The following SPIRE1 variants were observed in gnomAD, a reference collection of about 807,000 sequenced individuals.
The protein encoded by SPIRE1 is spire type actin nucleation factor 1.
In SPIRE1, 40 loss-of-function variants were observed where a neutral mutation model predicts 94.1. The observed-to-expected ratio is 0.43, with a 90% CI of 0.33 to 0.55. SPIRE1 has a LOEUF of 0.55. Ranked by LOEUF, SPIRE1 falls within the 20% of genes least tolerant of loss-of-function variation. SPIRE1 has a pLI of 0.06. For missense variants in SPIRE1, 838 were observed against 975.2 expected (o/e 0.86, Z 1.87); for synonymous variants, 376 against 371.7 (o/e 1.01, Z -0.13).
At chr18:12,491,893 T>C (rs879588016) in intron 8 of SPIRE1, among the ~76,000 whole-genome samples, 40 of 152,252 alleles carry the variant, frequency 2.6e-4, no homozygotes, top group Non-Finnish European at 5.0e-4. Flanking sequence ...ATTAAAAAGA[T>C]CCAGAGGAAG....
At chr18:12,605,486 C>G (rs1032329763) in intron 2 of SPIRE1, among the ~76,000 whole-genome samples, 3 of 152,232 alleles carry the variant, frequency 2.0e-5, no homozygotes, top group Admixed American at 1.3e-4. Flanking sequence ...AGCCTGGTAA[C>G]AGAGCAAGAC....
At chr18:12,535,925 A>G (rs898370234) in intron 3 of SPIRE1, among the ~76,000 whole-genome samples, 28 of 152,204 alleles carry the variant, frequency 1.8e-4, no homozygotes, top group Admixed American at 1.6e-3. Context: ...ACTGTACTCT[A>G]GCATGGGTGA....
chr18:12,528,111 G>C (rs2034578874), intron 4 of SPIRE1, among the ~76,000 whole-genome samples: 1 of 151,542 alleles, frequency 6.6e-6, no homozygotes. Flanking sequence ...ATATTTATTA[G>C]GTTAAAAAAA....
At position 12,546,674 on chromosome 18, in the gene SPIRE1, C is replaced by A; in HGVS notation, c.603G>T (p.Lys201Asn). ...SAIRSYRDVM[K>N]LCAAHLPTES... The stretch of plus-strand genomic sequence containing the variant: ...AGTACTGCATAAAACGCTGCCTTAC[C>A]TTCATGACATCTCTATATGACCGAA... Residue 201 changes from lysine (K) to asparagine (N), a missense_variant and splice_region_variant, in exon 3 of 17, where the codon AAG becomes AAT. Transcript: ENST00000409402. 6.2e-7 allele frequency: 1 copy of A among 1,608,792 alleles called. No homozygotes were observed. The highest frequency in any genetic ancestry group is 1.1e-5 in the South Asian group (1 of 90,928).
intron 1 of SPIRE1, among the ~76,000 whole-genome samples, chr18:12,651,605 C>T (rs547658158): frequency 3.3e-5 from 5 of 152,092 alleles, no homozygotes; most frequent in South Asian, 4.2e-4. Flanking sequence ...ACCCAGGAAG[C>T]GGAGGCTGCA....
chr18:12,630,940 G>T (rs761317206), intron 2 of SPIRE1, among the ~76,000 whole-genome samples: 17 of 152,202 alleles, frequency 1.1e-4, no homozygotes, highest in Non-Finnish European at 1.9e-4. Flanking sequence ...TAAGAGCCAA[G>T]AGAGGCTCTA....
At chr18:12,463,727 G>A (rs537365587) in intron 11 of SPIRE1, among the ~76,000 whole-genome samples, 1 of 152,248 alleles carries the variant, frequency 6.6e-6, no homozygotes, top group African/African-American at 2.4e-5. Flanking sequence ...GTTAGGTGTA[G>A]CCAGAAAGAT....
At chr18:12,606,737 G>A (rs201501220) in intron 2 of SPIRE1, among the ~76,000 whole-genome samples, 155 of 152,178 alleles carry the variant, frequency 1.0e-3, no homozygotes, top group East Asian at 4.1e-3. Context: ...CGCCATGTTG[G>A]CCAGGCTGCT....
chr18:12,655,285 CGAAA>C (rs1359295581), intron 1 of SPIRE1, among the ~76,000 whole-genome samples: 2 of 148,958 alleles, frequency 1.3e-5, no homozygotes, highest in African/African-American at 4.9e-5. Flanking sequence ...AGAAATAAAG[CGAAA>C]GAAAGAAGGA....
In SPIRE1 at chr18:12,579,332, T is replaced by TTAC. The variant is rs1222252924; in HGVS notation, c.373-32431_373-32429dup. On this transcript the variant is annotated intron_variant, in intron 2 of 16. Coordinates refer to ENST00000409402, the MANE Select transcript of SPIRE1 (RefSeq NM_001128626.2). Reference sequence around the variant, plus strand: ...TAAAAGGAATGAAATTTGTTACATGTTACAACATGGATGATCCCTAAAAAC... The same window carrying TTAC: ...TAAAAGGAATGAAATTTGTTACATGTTACTACAACATGGATGATCCCTAAAAAC... Among the ~76,000 whole-genome samples, 3 of 152,156 alleles carry TTAC rather than the reference T, an allele frequency of 2.0e-5. No individual in the cohort carries two copies. In the East Asian group the frequency reaches 5.8e-4, roughly 29 times the overall value.
intron 2 of SPIRE1, among the ~76,000 whole-genome samples, chr18:12,557,497 C>T (rs994490206): frequency 1.4e-4 from 22 of 152,232 alleles, no homozygotes; most frequent in East Asian, 5.8e-4. Flanking sequence ...GAGCGCCTGG[C>T]GCAGACCCAG....
chr18:12,631,483 A>G lies in SPIRE1; in HGVS notation c.372+3579T>C, dbSNP rs369509608. On this transcript the variant is annotated intron_variant, in intron 2 of 16. Transcript: ENST00000409402. ...TCCCAACACTTTGGGAGGCCGAGGC[A>G]TGAGGACTGCTTGAGCTCAGGAGTT... Among the ~76,000 whole-genome samples the G allele has an allele frequency of 7.3e-5, 10 of 137,116 alleles. No individual in the cohort carries two copies. The South Asian group carries it at 1.2e-3, about 17-fold the overall frequency. The allele number at this position is 137,116 out of a possible 152,430, so 90.0% of individuals were successfully genotyped here.
chr18:12,496,407 A>C (rs1323157814), intron 6 of SPIRE1, among the ~76,000 whole-genome samples: 4 of 152,214 alleles, frequency 2.6e-5, no homozygotes. Context: ...TGATTTAAAA[A>C]ACTTTTTACC....
intron 9 of SPIRE1, among the ~76,000 whole-genome samples, chr18:12,481,927 C>T (rs755553793): frequency 9.2e-5 from 14 of 152,260 alleles, no homozygotes; most frequent in Admixed American, 2.0e-4. Context: ...CAAACGCACA[C>T]ACCTTCCACC....
At chr18:12,639,710 C>A (rs1406762098) in intron 1 of SPIRE1, among the ~76,000 whole-genome samples, 1 of 151,328 alleles carries the variant, frequency 6.6e-6, no homozygotes, top group Non-Finnish European at 1.5e-5. Context: ...CCAGCCTGGG[C>A]GCAAGAATGA....
At chr18:12,458,855 A>C (rs910837141) in intron 12 of SPIRE1, among the ~76,000 whole-genome samples, 1 of 152,210 alleles carries the variant, frequency 6.6e-6, no homozygotes, top group Non-Finnish European at 1.5e-5. Context: ...TTTCATGACA[A>C]AGATCAGAGA....
At chr18:12,583,398 T>C (rs1336116177) in intron 2 of SPIRE1, among the ~76,000 whole-genome samples, 4 of 152,110 alleles carry the variant, frequency 2.6e-5, no homozygotes, top group South Asian at 2.1e-4. Context: ...GGTCAAGAGA[T>C]TGAGACCATC....
chr18:12,646,489 A>T (rs12456889), intron 1 of SPIRE1, among the ~76,000 whole-genome samples: 4,854 of 152,248 alleles, frequency 0.032, 146 homozygotes, highest in East Asian at 0.091. Context: ...AATACATGAA[A>T]TCAGGTAATG....
At chr18:12,654,412 C>G (rs2038473874) in intron 1 of SPIRE1, among the ~76,000 whole-genome samples, 1 of 150,232 alleles carries the variant, frequency 6.7e-6, no homozygotes, top group Admixed American at 6.6e-5. Context: ...TTTGGGAGGC[C>G]GAGACGGGCG....
Sources: allele counts gnomAD v4.1 joint callset (sites outside exome capture counted in the v4.1 genomes callset), GRCh38; gene constraint gnomAD v4.1.1; transcripts MANE v1.5; gene names NCBI Gene and HGNC (gene_info 2026-07-23, HGNC 2026-07-21).